ZNF10: variants seen among roughly 807,000 people sequenced by gnomAD.
ZNF10 encodes the protein zinc finger protein 10 (KOX 1).
In ZNF10, 8 loss-of-function variants were observed where a neutral mutation model predicts 12.2. The ratio of observed to expected loss-of-function variants is 0.66; its 90% confidence interval spans 0.39 to 1.18. The LOEUF is 1.18. Ranked by LOEUF, ZNF10 falls within the 50% of genes most tolerant of loss-of-function variation. The pLI is 0.01. For missense variants in ZNF10, 603 were observed against 678.9 expected (o/e 0.89, Z 1.24); for synonymous variants, 229 against 228.2 (o/e 1.00, Z -0.03).
At chr12:133,134,936 C>A (rs1196995449) in intron 1 of ZNF10, among the ~76,000 whole-genome samples, 1 of 152,138 alleles carries the variant, frequency 6.6e-6, no homozygotes, top group Non-Finnish European at 1.5e-5. Flanking sequence ...CTTTTCTCAT[C>A]GTTGTTCCAG....
intron 4 of ZNF10, among the ~76,000 whole-genome samples, chr12:133,152,968 G>A (rs1014807917): frequency 2.0e-5 from 3 of 152,064 alleles, no homozygotes; most frequent in Admixed American, 6.5e-5. Flanking sequence ...TATTTGCCTT[G>A]TAGGTGATTG....
At position 133,156,013 on chromosome 12, in the gene ZNF10, C is replaced by A; in HGVS notation, c.767C>A (p.Ser256Ter). The A allele has an allele frequency of 6.2e-7, 1 of 1,613,834 alleles. No homozygotes were observed. The highest frequency in any genetic ancestry group is 1.1e-5 in the South Asian group (1 of 91,082). The part of the protein sequence containing the change: ...SLTHGSSLGI[S>*]KGIHREKPYE... ...ACTCATGGTTCATCTCTTGGTATATCAAAGGGCATACATAGAGAGAAACCC... is the reference window on the plus strand; with the variant it reads ...ACTCATGGTTCATCTCTTGGTATATAAAAGGGCATACATAGAGAGAAACCC... Residue 256 changes from serine to a stop codon, truncating the protein, a stop_gained, in exon 5 of 5, where the codon TCA becomes TAA. Transcript: ENST00000248211. LOFTEE classifies it low-confidence loss of function (END_TRUNC).
In ZNF10 at chr12:133,132,289, G is replaced by C. The variant is rs565101251; in HGVS notation, c.-60+1535G>C. On this transcript the variant is annotated intron_variant, in intron 1 of 4. Coordinates refer to ENST00000248211, the MANE Select transcript of ZNF10 (RefSeq NM_015394.5). ...TGAGAATTTTTTTTTTTTTTTTTGAGATAGAGTTTTGTTCTTGTTGCCCAT... is the reference window on the plus strand; with the variant it reads ...TGAGAATTTTTTTTTTTTTTTTTGACATAGAGTTTTGTTCTTGTTGCCCAT... Among the ~76,000 whole-genome samples, 269 of 126,954 alleles carry C rather than the reference G, an allele frequency of 2.1e-3. 2 individuals carry two copies. The highest frequency in any genetic ancestry group is 7.7e-3 in the African/African-American group (257 of 33,208). 83.3% of individuals were successfully genotyped at this position (126,954 alleles called of 152,430 possible).
chr12:133,142,313 G>A (rs192502567), intron 1 of ZNF10, among the ~76,000 whole-genome samples: 1 of 150,068 alleles, frequency 6.7e-6, no homozygotes. Flanking sequence ...TACAGGCTGA[G>A]GCACAAGAAT....
chr12:133,148,750 G>GTTTTTTTTTTTTTTTTTTTTTTTTTT (rs201972025), intron 2 of ZNF10, among the ~76,000 whole-genome samples: 5 of 137,408 alleles, frequency 3.6e-5, no homozygotes, highest in South Asian at 2.3e-4. Context: ...ATTCAATGTT[G>GTTTTTTTTTTTTTTTTTTTTTTTTTT]GTTTTTTTTT....
chr12:133,138,046 T>TA (rs35170009), intron 1 of ZNF10, among the ~76,000 whole-genome samples: 23 of 149,958 alleles, frequency 1.5e-4, no homozygotes, highest in Middle Eastern at 3.4e-3. Context: ...GTGGAGCTCT[T>TA]AAAAAAAAAA....
At chr12:133,142,050 ATAACTGTC>A (rs1955947510) in intron 1 of ZNF10, among the ~76,000 whole-genome samples, 1 of 152,344 alleles carries the variant, frequency 6.6e-6, no homozygotes, top group South Asian at 2.1e-4. Flanking sequence ...AAAGAAAAAA[ATAACTGTC>A]TACCTATTAA....
chr12:133,134,611 T>A (rs1955900578), intron 1 of ZNF10, among the ~76,000 whole-genome samples: 1 of 152,198 alleles, frequency 6.6e-6, no homozygotes, highest in Admixed American at 6.5e-5. Context: ...CCACAAAGTT[T>A]TGATAATTGG....
chr12:133,156,050 G>A lies in ZNF10; in HGVS notation c.804G>A (p.Lys268=), dbSNP rs3763150. Residue 268 remains lysine (K), a synonymous_variant, in exon 5 of 5, where the codon AAG becomes AAA. Transcript: ENST00000248211. ...ATAGAGAGAAACCCTATGAATGTAA[G>A]GAATGTGGAAAATTCTTCAGCTGGC... ...GIHREKPYEC[K]ECGKFFSWRS... 11,478 of 1,613,424 alleles carry A rather than the reference G, an allele frequency of 7.1e-3. 94 individuals carry two copies. The highest frequency in any genetic ancestry group is 0.043 in the East Asian group (1,932 of 44,870).
chr12:133,132,244 A>G (rs1955884042), intron 1 of ZNF10, among the ~76,000 whole-genome samples: 1 of 151,478 alleles, frequency 6.6e-6, no homozygotes, highest in Non-Finnish European at 1.5e-5. Flanking sequence ...TATAGATTAT[A>G]TTCAATTGTC....
Position 133,155,486 on chromosome 12 carries a change from T to A in ZNF10, c.257-17T>A. 1 of 1,560,216 alleles carries A rather than the reference T, an allele frequency of 6.4e-7. No homozygotes were observed. Among genetic ancestry groups the A allele is most frequent in the Non-Finnish European group, 8.6e-7 (1 of 1,158,692 alleles). On this transcript the variant is annotated splice_polypyrimidine_tract_variant and intron_variant, in intron 4 of 4. Coordinates refer to ENST00000248211, the MANE Select transcript of ZNF10 (RefSeq NM_015394.5). ...AATACTCTGTTTAGTTACACAAACA[T>A]TTTTCATTTCTTTCAGATTCAGAGA...
In ZNF10 at chr12:133,156,288, C is replaced by T. The variant is rs779578124; in HGVS notation, c.1042C>T (p.Leu348=). 1.9e-6 allele frequency: 3 copies of T among 1,614,176 alleles called. No individual in the cohort carries two copies. The highest frequency in any genetic ancestry group is 3.3e-5 in the Admixed American group (2 of 60,026). ...TCAGAGAACTCATACAGGAGACAAACTGTACACATGTAATCAGTGTGGGAA... is the reference window on the plus strand; with the variant it reads ...TCAGAGAACTCATACAGGAGACAAATTGTACACATGTAATCAGTGTGGGAA... ...THQRTHTGDK[L]YTCNQCGKSF... is the part of the protein sequence containing the mutation. The change falls in exon 5 of 5, where the codon CTG becomes TTG. Residue 348 remains leucine (L), a synonymous_variant. Transcript: ENST00000248211.
intron 1 of ZNF10, among the ~76,000 whole-genome samples, chr12:133,134,577 G>T (rs559168055): frequency 4.6e-5 from 7 of 152,264 alleles, no homozygotes; most frequent in African/African-American, 1.7e-4. Flanking sequence ...GAATTGTTAT[G>T]TAACAAATGT....
At chr12:133,134,238 A>G (rs7305166) in intron 1 of ZNF10, among the ~76,000 whole-genome samples, 91,402 of 151,442 alleles carry the variant, frequency 0.6, 28,595 homozygotes, top group African/African-American at 0.73. Context: ...ACTTGAACCC[A>G]AGAGGCGGCG....
chr12:133,158,822 A>G lies in ZNF10; in HGVS notation c.*1854A>G, dbSNP rs1387114903. 4 of 152,222 alleles carry G rather than the reference A, an allele frequency of 2.6e-5. No homozygotes were observed. Among genetic ancestry groups the G allele is most frequent in the Non-Finnish European group, 5.9e-5 (4 of 68,042 alleles). 9.4% of individuals were successfully genotyped at this position (152,222 alleles called of 1,614,324 possible). ...CGAGGAACATGGCAGCCTCTAGCTC[A>G]TACTTGTCGTTGTACAATTGAGATC... On this transcript the variant is annotated 3_prime_UTR_variant, in exon 5 of 5. Transcript: ENST00000248211.
intron 2 of ZNF10, among the ~76,000 whole-genome samples, chr12:133,145,121 C>T (rs1018778309): frequency 2.0e-5 from 3 of 152,124 alleles, no homozygotes; most frequent in African/African-American, 7.2e-5. Context: ...TCAGGTGATC[C>T]GCCTGCCTCG....
intron 1 of ZNF10, among the ~76,000 whole-genome samples, chr12:133,142,615 G>A (rs1029098785): frequency 1.8e-4 from 28 of 152,072 alleles, no homozygotes; most frequent in African/African-American, 6.0e-4. Context: ...ATCATCACTC[G>A]TTAGGGAAAT....
chr12:133,153,731 T>A (rs924044023), intron 4 of ZNF10, among the ~76,000 whole-genome samples: 18 of 152,150 alleles, frequency 1.2e-4, no homozygotes, highest in African/African-American at 3.9e-4. Flanking sequence ...GGGGCTGCGG[T>A]AACAAAGAAC....
chr12:133,158,495 T>C lies in ZNF10; in HGVS notation c.*1527T>C, dbSNP rs1956055305. On this transcript the variant is annotated 3_prime_UTR_variant, in exon 5 of 5. Transcript: ENST00000248211. ...TGTAATGTTGTATACACATTTATTC[T>C]GTTTGTACAAAGGTTTTCCATTCTA... The C allele has an allele frequency of 6.6e-6, 1 of 152,232 alleles. No individual in the cohort carries two copies. The highest frequency in any genetic ancestry group is 2.1e-4 in the South Asian group (1 of 4,834). 9.4% of individuals were successfully genotyped at this position (152,232 alleles called of 1,614,324 possible). A position where few individuals can be genotyped will look rare whatever the true frequency, so the allele number is the denominator to read the frequency against.
Sources: gnomAD v4.1 joint callset for allele counts (sites outside exome capture counted in the v4.1 genomes callset) on GRCh38, gnomAD v4.1.1 for gene constraint, MANE v1.5 for transcripts, NCBI Gene and HGNC (gene_info 2026-07-23, HGNC 2026-07-21) for gene names.